Variants in TOX3 observed in about 807,000 individuals in gnomAD.
The protein encoded by TOX3 is CAG trinucleotide repeat-containing gene F9 protein.
TOX3 carries 22 observed loss-of-function variants against 64.3 expected under a neutral mutation model. That is an observed-to-expected ratio of 0.34 (90% CI 0.24 to 0.49). The LOEUF (loss-of-function observed/expected upper bound fraction) is 0.49. Among genes scored for constraint, TOX3 ranks in the 20% least tolerant of loss-of-function variants. The probability of loss-of-function intolerance (pLI) is 0.99; values close to 1 mark genes in which losing one functional copy is unlikely to be tolerated. For missense variants in TOX3, 661 were observed against 714.4 expected, an observed-to-expected ratio of 0.93 and a Z score of 0.85; for synonymous variants, 291 against 273.6, an observed-to-expected ratio of 1.06 and a Z score of -0.63.
rs150791639 is a variant in TOX3 at position 52,472,333 on chromosome 16, A to T, written c.88-3759T>A. ...GAAACAAACAAACAACATGCTGTGG[A>T]TCACTTGCTTCTGTTTCCCCTGCAA... On this transcript the variant is annotated intron_variant, in intron 1 of 6. Coordinates refer to ENST00000219746, the MANE Select transcript of TOX3 (RefSeq NM_001080430.4). 4.0e-3 allele frequency among the ~76,000 whole-genome samples: 602 copies of T among 152,332 alleles called. 4 individuals are homozygous for T. The highest frequency in any genetic ancestry group is 0.014 in the African/African-American group (574 of 41,574).
intron 1 of TOX3, among the ~76,000 whole-genome samples, chr16:52,473,948 C>T (rs950629319): frequency 3.9e-5 from 6 of 152,124 alleles, no homozygotes; most frequent in South Asian, 2.1e-4. Context: ...TTTACACGCA[C>T]ATACATATAA....
intron 3 of TOX3, 151 bp downstream of exon 3, chr16:52,463,783 C>T (rs1960767416): frequency 1.7e-5 from 15 of 901,848 alleles, no homozygotes; most frequent in Non-Finnish European, 2.2e-5. Flanking sequence ...TGTTCAATAC[C>T]AGGCAGCGAT....
intron 1 of TOX3, among the ~76,000 whole-genome samples, chr16:52,532,568 C>T (rs1395712027): frequency 1.3e-5 from 2 of 152,208 alleles, no homozygotes; most frequent in African/African-American, 4.8e-5. Flanking sequence ...CTTCTGAGCC[C>T]AACCTAAATT....
chr16:52,481,933 G>A (rs371418484), intron 1 of TOX3, among the ~76,000 whole-genome samples: 53 of 152,240 alleles, frequency 3.5e-4, no homozygotes, highest in East Asian at 1.3e-3. Flanking sequence ...CACTTCCGAC[G>A]AGGTCTTAGG....
intron 1 of TOX3, among the ~76,000 whole-genome samples, chr16:52,523,334 G>A (rs1962653054): frequency 1.3e-5 from 2 of 152,202 alleles, no homozygotes; most frequent in African/African-American, 4.8e-5. Flanking sequence ...GCCTTGATGA[G>A]GTCAAGGAAA....
chr16:52,439,481 T>C lies in TOX3; in HGVS notation c.1475A>G (p.Gln492Arg), dbSNP rs1160468177. 2.2e-6 allele frequency: 3 copies of C among 1,394,396 alleles called. No homozygotes were observed. Among genetic ancestry groups the C allele is most frequent in the Non-Finnish European group, 3.0e-6 (3 of 1,004,116 alleles). 86.4% of individuals were successfully genotyped at this position (1,394,396 alleles called of 1,614,324 possible). A position where few individuals can be genotyped will look rare whatever the true frequency, so the allele number is the denominator to read the frequency against. Reference protein sequence around the residue: ...FQHHMQQHLQQQQQHLQQQIN... With the variant: ...FQHHMQQHLQRQQQHLQQQIN... ...TTGCTGCTGGAGATGCTGCTGCTGC[T>C]GCTGCAGGTGCTGCTGCATGTGGTG... Residue 492 changes from glutamine (Q) to arginine (R), a missense_variant, in exon 7 of 7, where the codon CAG becomes CGG. By Grantham distance (43) the Gln-to-Arg change is conservative. Coordinates refer to ENST00000219746, the MANE Select transcript of TOX3 (RefSeq NM_001080430.4).
At chr16:52,457,775 T>C (rs1417391232) in intron 3 of TOX3, among the ~76,000 whole-genome samples, 1 of 152,174 alleles carries the variant, frequency 6.6e-6, no homozygotes, top group Non-Finnish European at 1.5e-5. Flanking sequence ...GCCAAATGCA[T>C]ACCAATGATA....
Position 52,436,827 on chromosome 16 carries a change from T to C in TOX3, c.*2398A>G, listed in dbSNP as rs1184957418. 1 of 152,250 alleles carries C rather than the reference T, an allele frequency of 6.6e-6. No individual in the cohort carries two copies. The highest frequency in any genetic ancestry group is 2.4e-5 in the African/African-American group (1 of 41,462). The allele number at this position is 152,250 out of a possible 1,614,324, so 9.4% of individuals were successfully genotyped here. On this transcript the variant is annotated 3_prime_UTR_variant, in exon 7 of 7. Transcript: ENST00000219746. ...AGACTTCACTTGCAATTAAGTCTTA[T>C]CACTAGTGACATTTTTTTCCAAGCA...
At chr16:52,487,888 G>C (rs1452148247) in intron 1 of TOX3, among the ~76,000 whole-genome samples, 1 of 152,084 alleles carries the variant, frequency 6.6e-6, no homozygotes, top group Non-Finnish European at 1.5e-5. Context: ...GTGATTTTTG[G>C]AATCAAATAT....
chr16:52,454,960 A>T (rs946826523), intron 3 of TOX3, among the ~76,000 whole-genome samples: 9 of 152,184 alleles, frequency 5.9e-5, no homozygotes, highest in African/African-American at 2.2e-4. Flanking sequence ...AGCCCAGAGA[A>T]ATTTAATGTG....
At chr16:52,492,568 T>C (rs1028082628) in intron 1 of TOX3, among the ~76,000 whole-genome samples, 1 of 119,992 alleles carries the variant, frequency 8.3e-6, no homozygotes, top group Admixed American at 8.2e-5. Flanking sequence ...TATATAAATA[T>C]ATATATATAT....
chr16:52,444,241 T>G (rs1960094312), intron 6 of TOX3, 35 bp downstream of exon 6: 2 of 1,493,060 alleles, frequency 1.3e-6, no homozygotes, highest in African/African-American at 2.8e-5. Context: ...ACGCTGTGAC[T>G]ATTTTGGAGC....
Position 52,466,880 on chromosome 16 carries a change from T to A in TOX3, c.153+1629A>T, listed in dbSNP as rs530828098. On this transcript the variant is annotated intron_variant, in intron 2 of 6. Coordinates refer to ENST00000219746, the MANE Select transcript of TOX3 (RefSeq NM_001080430.4). The stretch of plus-strand genomic sequence containing the variant: ...AAAAAGGAATCCAAAATGCTGGATA[T>A]CTGAGATTATAAAAAAATAACCACA... 5.9e-5 allele frequency among the ~76,000 whole-genome samples: 9 copies of A among 152,236 alleles called. No individual in the cohort carries two copies. In the South Asian group the frequency reaches 1.9e-3, roughly 32 times the overall value.
intron 1 of TOX3, among the ~76,000 whole-genome samples, chr16:52,509,266 G>T (rs373623493): frequency 3.9e-5 from 6 of 152,146 alleles, no homozygotes; most frequent in Admixed American, 1.3e-4. Context: ...CTATAATAAG[G>T]TATCTTACAT....
chr16:52,493,424 G>A (rs747083907), intron 1 of TOX3, among the ~76,000 whole-genome samples: 2 of 152,136 alleles, frequency 1.3e-5, no homozygotes, highest in African/African-American at 2.4e-5. Context: ...AAGTGGCAAT[G>A]GTGAATTCCC....
At chr16:52,477,686 C>T (rs1961249307) in intron 1 of TOX3, among the ~76,000 whole-genome samples, 1 of 152,102 alleles carries the variant, frequency 6.6e-6, no homozygotes, top group South Asian at 2.1e-4. Context: ...TGTGTACAAG[C>T]TTGCTAGGGG....
chr16:52,476,994 A>G (rs919377057), intron 1 of TOX3, among the ~76,000 whole-genome samples: 1 of 152,166 alleles, frequency 6.6e-6, no homozygotes, highest in South Asian at 2.1e-4. Context: ...TTTATTTTAG[A>G]TTCAGGGAGT....
rs539864698 is a variant in TOX3, at chr16:52,461,400, C to A, written c.408+2534G>T. Among the ~76,000 whole-genome samples, 33 of 152,210 alleles carry A rather than the reference C, an allele frequency of 2.2e-4. No individual in the cohort carries two copies. The South Asian group carries it at 4.6e-3, about 21-fold the overall frequency. On this transcript the variant is annotated intron_variant, in intron 3 of 6. Coordinates refer to ENST00000219746, the MANE Select transcript of TOX3 (RefSeq NM_001080430.4). ...CATATTTTGAAATGTGAATGCTAAT[C>A]ACTGGACTCTTTTTAATCCCCCTTT... is the stretch of plus-strand genomic sequence containing the variant.
At chr16:52,543,129 C>G (rs894596457) in intron 1 of TOX3, among the ~76,000 whole-genome samples, 1 of 152,090 alleles carries the variant, frequency 6.6e-6, no homozygotes. Context: ...TGTTAACAAC[C>G]CACTGTATGA....
Sources: gnomAD v4.1 joint callset for allele counts (sites outside exome capture counted in the v4.1 genomes callset) on GRCh38, gnomAD v4.1.1 for gene constraint, MANE v1.5 for transcripts, NCBI Gene and HGNC (gene_info 2026-07-23, HGNC 2026-07-21) for gene names.